The following UST variants were observed in gnomAD, a reference collection of about 807,000 sequenced individuals.
UST encodes uronyl 2-sulfotransferase, also known as chondroitin sulfate 2-O-sulfotransferase.
In UST, 21 loss-of-function variants were observed where a neutral mutation model predicts 45.6. That is an observed-to-expected ratio of 0.46 (90% CI 0.33 to 0.66). UST has a LOEUF of 0.66. Among genes scored for constraint, UST ranks in the 30% least tolerant of loss-of-function variants. UST has a pLI of 0.02. For missense variants in UST, 463 were observed against 512.4 expected, an observed-to-expected ratio of 0.90 and a Z score of 0.93; for synonymous variants, 215 against 200.6, an observed-to-expected ratio of 1.07 and a Z score of -0.61.
At chr6:148,956,634 G>A (rs148382625) in intron 4 of UST, among the ~76,000 whole-genome samples, 122 of 152,292 alleles carry the variant, frequency 8.0e-4, no homozygotes, top group African/African-American at 2.5e-3. Context: ...TTCTGTAGAC[G>A]TCTCAGGCTG....
chr6:148,945,238 T>G (rs1780213200), intron 3 of UST, among the ~76,000 whole-genome samples: 1 of 152,224 alleles, frequency 6.6e-6, no homozygotes, highest in Non-Finnish European at 1.5e-5. Context: ...GATTCCCTGT[T>G]TTATGGGTGA....
chr6:148,905,420 C>T (rs1779336753), intron 2 of UST, among the ~76,000 whole-genome samples: 1 of 152,200 alleles, frequency 6.6e-6, no homozygotes, highest in Non-Finnish European at 1.5e-5. Flanking sequence ...GCTCCCCTTC[C>T]TCCACTCCAT....
chr6:148,765,458 G>T (rs894712362), intron 1 of UST, among the ~76,000 whole-genome samples: 5 of 152,044 alleles, frequency 3.3e-5, no homozygotes, highest in African/African-American at 1.2e-4. Context: ...GGTCTTTTTG[G>T]TTCCATATAA....
intron 1 of UST, among the ~76,000 whole-genome samples, chr6:148,842,344 A>G (rs559164787): frequency 2.0e-4 from 31 of 152,320 alleles, no homozygotes; most frequent in African/African-American, 7.2e-4. Flanking sequence ...GGAGAGTCAG[A>G]TGGTCATATG....
chr6:149,004,345 C>T (rs559721565), intron 5 of UST, among the ~76,000 whole-genome samples: 1 of 152,244 alleles, frequency 6.6e-6, no homozygotes, highest in African/African-American at 2.4e-5. Flanking sequence ...TCTTGGGAGC[C>T]AGCAGTCATG....
At chr6:148,807,664 G>A (rs952804121) in intron 1 of UST, among the ~76,000 whole-genome samples, 1 of 152,100 alleles carries the variant, frequency 6.6e-6, no homozygotes. Flanking sequence ...ATACAGCTTT[G>A]ATTTCTTCAG....
chr6:148,789,821 C>T lies in UST; in HGVS notation c.247+42144C>T, dbSNP rs184035610. ...CCATGTTGGCCAGGCTGGTCTCGAACTCCTGACCTCAAAAGATCCACCCGT... is the reference window on the plus strand; with the variant it reads ...CCATGTTGGCCAGGCTGGTCTCGAATTCCTGACCTCAAAAGATCCACCCGT... On this transcript the variant is annotated intron_variant, in intron 1 of 7. Coordinates refer to ENST00000367463, the MANE Select transcript of UST (RefSeq NM_005715.3). Among the ~76,000 whole-genome samples the T allele has an allele frequency of 3.3e-5, 5 of 152,174 alleles. No individual in the cohort carries two copies. The East Asian group carries it at 9.7e-4, about 29-fold the overall frequency.
chr6:148,855,913 GT>G (rs1489330387), intron 1 of UST, among the ~76,000 whole-genome samples: 1 of 152,146 alleles, frequency 6.6e-6, no homozygotes, highest in Non-Finnish European at 1.5e-5. Flanking sequence ...TGACAAAAAA[GT>G]CAATTGATAG....
rs534108329 is a variant in UST, at chr6:148,913,463, C to T, written c.291+26434C>T. 2.1e-3 allele frequency among the ~76,000 whole-genome samples: 242 copies of T among 113,390 alleles called. 1 individual carries two copies. In the Middle Eastern group the frequency reaches 0.036, roughly 17 times the overall value. The allele number at this position is 113,390 out of a possible 152,430, so 74.4% of individuals were successfully genotyped here. A position where few individuals can be genotyped will look rare whatever the true frequency, so the allele number is the denominator to read the frequency against. On this transcript the variant is annotated intron_variant, in intron 2 of 7. Transcript: ENST00000367463. ...TTTTTTTTTTTGAGGATTGGAATGA[C>T]CAAGGAACCAGTTAGAATGGATCAG...
At position 148,983,463 on chromosome 6, in the gene UST, A is replaced by G. The variant is rs981225183; in HGVS notation, c.681+18900A>G. 2.0e-5 allele frequency among the ~76,000 whole-genome samples: 3 copies of G among 152,214 alleles called. 1 individual carries two copies. The highest frequency in any genetic ancestry group is 4.4e-5 in the Non-Finnish European group (3 of 68,030). ...ATGGAGTTGATAAAAGGAAAAAAAA[A>G]TCATACCTCAATTAGTCATAATATT... is the stretch of plus-strand genomic sequence containing the variant. On this transcript the variant is annotated intron_variant, in intron 5 of 7. Transcript: ENST00000367463.
chr6:148,813,402 GAC>G (rs1777296006), intron 1 of UST, among the ~76,000 whole-genome samples: 1 of 146,554 alleles, frequency 6.8e-6, no homozygotes, highest in Non-Finnish European at 1.5e-5. Flanking sequence ...TTTTTTTTGA[GAC>G]AGAGTCTTGC....
At chr6:148,972,164 A>G (rs921459297) in intron 5 of UST, among the ~76,000 whole-genome samples, 4 of 152,236 alleles carry the variant, frequency 2.6e-5, no homozygotes, top group Non-Finnish European at 5.9e-5. Context: ...CAGTGCAGCC[A>G]TATAGGACTT....
intron 1 of UST, among the ~76,000 whole-genome samples, chr6:148,753,872 A>G (rs1272797484): frequency 6.6e-6 from 1 of 152,124 alleles, no homozygotes; most frequent in Non-Finnish European, 1.5e-5. Flanking sequence ...AGCCATCTTA[A>G]TGGGTATGAA....
At chr6:149,023,550 A>G (rs1421278791) in intron 7 of UST, among the ~76,000 whole-genome samples, 1 of 152,160 alleles carries the variant, frequency 6.6e-6, no homozygotes, top group Non-Finnish European at 1.5e-5. Context: ...ATGTGTTTTT[A>G]TTTTATTAAT....
At chr6:148,756,859 A>C (rs1447146817) in intron 1 of UST, among the ~76,000 whole-genome samples, 1 of 152,212 alleles carries the variant, frequency 6.6e-6, no homozygotes, top group Non-Finnish European at 1.5e-5. Context: ...CTAGGATTCC[A>C]AATCCTGCTT....
At chr6:148,857,011 T>C (rs531274462) in intron 1 of UST, among the ~76,000 whole-genome samples, 1 of 149,596 alleles carries the variant, frequency 6.7e-6, no homozygotes, top group East Asian at 1.9e-4. Context: ...ATATACATAA[T>C]ATATAAACTA....
intron 1 of UST, among the ~76,000 whole-genome samples, chr6:148,856,469 A>G (rs912069150): frequency 1.3e-5 from 2 of 152,246 alleles, no homozygotes; most frequent in African/African-American, 2.4e-5. Context: ...ACTAAGTCCT[A>G]TTCATCGGAG....
intron 5 of UST, among the ~76,000 whole-genome samples, chr6:149,004,263 G>A (rs1781606148): frequency 6.6e-6 from 1 of 152,158 alleles, no homozygotes; most frequent in Non-Finnish European, 1.5e-5. Flanking sequence ...GTCAACAGCT[G>A]GACTGCAGAA....
chr6:148,946,510 C>CAAAAAAAAAAAAAAAAAA (rs71007930), intron 3 of UST, among the ~76,000 whole-genome samples: 18 of 33,940 alleles, frequency 5.3e-4, no homozygotes, highest in African/African-American at 6.7e-4. Context: ...GACTCCATCT[C>CAAAAAAAAAAAAAAAAAA]AAAAAAAAAA....
Sources: gnomAD v4.1 joint callset for allele counts (sites outside exome capture counted in the v4.1 genomes callset) on GRCh38, gnomAD v4.1.1 for gene constraint, MANE v1.5 for transcripts, NCBI Gene and HGNC (gene_info 2026-07-23, HGNC 2026-07-21) for gene names.